The following KANSL1 variants were observed in gnomAD, a reference collection of about 807,000 sequenced individuals.
KANSL1 encodes the protein MLL1/MLL complex subunit KANSL1.
In KANSL1, 22 loss-of-function variants were observed where a neutral mutation model predicts 103.6. The ratio of observed to expected loss-of-function variants is 0.21; its 90% confidence interval spans 0.15 to 0.30. The LOEUF is 0.30. KANSL1 is among the 10% of genes least tolerant of loss of function. The pLI is 1.00. For missense variants in KANSL1, 1,337 were observed against 1,399.8 expected (o/e 0.96, Z 0.72); for synonymous variants, 600 against 527.6 (o/e 1.14, Z -1.88).
chr17:46,200,532 G>A (rs984955956), intron 1 of KANSL1, among the ~76,000 whole-genome samples: 5 of 152,236 alleles, frequency 3.3e-5, no homozygotes, highest in Admixed American at 6.5e-5. Flanking sequence ...CACGAGATCC[G>A]GAGATCGAGA....
intron 6 of KANSL1, among the ~76,000 whole-genome samples, chr17:46,058,881 A>G (rs1004307359): frequency 1.2e-4 from 18 of 151,724 alleles, no homozygotes; most frequent in Admixed American, 9.9e-4. Context: ...GCGAAAACCC[A>G]TCTCTACTAA....
intron 1 of KANSL1, among the ~76,000 whole-genome samples, chr17:46,206,817 T>C (rs2047984170): frequency 6.6e-6 from 1 of 152,152 alleles, no homozygotes; most frequent in Non-Finnish European, 1.5e-5. Flanking sequence ...CAAGTAAATT[T>C]GGCTTCATCA....
At chr17:46,166,368 C>T (rs936975327) in intron 2 of KANSL1, among the ~76,000 whole-genome samples, 52 of 151,900 alleles carry the variant, frequency 3.4e-4, no homozygotes, top group Admixed American at 3.9e-4. Context: ...AAAAATTAGC[C>T]GGGCGTGGTG....
At chr17:46,054,732 T>C (rs1434321438) in intron 6 of KANSL1, among the ~76,000 whole-genome samples, 2 of 152,202 alleles carry the variant, frequency 1.3e-5, no homozygotes, top group African/African-American at 2.4e-5. Context: ...CCTTGCTATA[T>C]TTCTCCAAGA....
rs755795005 is a variant in KANSL1 at position 46,032,185 on chromosome 17, G to C, written c.2952C>G (p.Ser984=). ...TGGGGCTCCTAGGGGACTGACCATG[G>C]GAGTATTCTGACAAAGAGTGGCTAC... ...VSSSHSLSEY[S]HGQSPRSPIS... Residue 984 remains serine (S), a synonymous_variant, in exon 14 of 15, where the codon TCC becomes TCG. Coordinates refer to ENST00000432791, the MANE Select transcript of KANSL1 (RefSeq NM_015443.4). 6 of 1,610,920 alleles carry C rather than the reference G, an allele frequency of 3.7e-6. No individual in the cohort carries two copies. Among genetic ancestry groups the C allele is most frequent in the Non-Finnish European group, 5.1e-6 (6 of 1,177,874 alleles).
At chr17:46,119,417 G>A (rs567625406) in intron 2 of KANSL1, among the ~76,000 whole-genome samples, 13 of 151,158 alleles carry the variant, frequency 8.6e-5, no homozygotes, top group South Asian at 2.1e-4. Flanking sequence ...AACTGATCTC[G>A]TACCTCAGCC....
At chr17:46,057,096 A>C (rs1025381240) in intron 6 of KANSL1, among the ~76,000 whole-genome samples, 1 of 152,214 alleles carries the variant, frequency 6.6e-6, no homozygotes, top group Non-Finnish European at 1.5e-5. Flanking sequence ...AAGACTCAGT[A>C]AAAAAGGAAA....
chr17:46,033,538 G>A (rs898679426), intron 11 of KANSL1, 78 bp from the exon 12 acceptor site: 1 of 1,196,920 alleles, frequency 8.4e-7, no homozygotes, highest in South Asian at 1.2e-5. Context: ...TCCATGCAAG[G>A]ATGAGAATCC....
intron 1 of KANSL1, among the ~76,000 whole-genome samples, chr17:46,184,714 C>T (rs1195955339): frequency 4.6e-5 from 7 of 152,206 alleles, no homozygotes; most frequent in Non-Finnish European, 1.0e-4. Flanking sequence ...CCATTACTCC[C>T]AGGTTGAGGT....
chr17:46,116,482 A>G (rs2043052674), intron 2 of KANSL1, among the ~76,000 whole-genome samples: 1 of 152,232 alleles, frequency 6.6e-6, no homozygotes, highest in Admixed American at 6.5e-5. Flanking sequence ...GTGAGCCGAG[A>G]TGGCACCAAT....
At chr17:46,050,278 C>T (rs2077666890) in intron 7 of KANSL1, 1 of 516,494 alleles carries the variant, frequency 1.9e-6, no homozygotes, top group Non-Finnish European at 3.4e-6. Flanking sequence ...TGGCTAGAGG[C>T]AACTGAGCCC....
chr17:46,080,541 A>C (rs1255859232), intron 4 of KANSL1, among the ~76,000 whole-genome samples: 1 of 152,146 alleles, frequency 6.6e-6, no homozygotes, highest in African/African-American at 2.4e-5. Context: ...GCAAAGTTAA[A>C]TACTGCCTTC....
At chr17:46,078,691 A>G (rs2078877679) in intron 4 of KANSL1, among the ~76,000 whole-genome samples, 1 of 152,250 alleles carries the variant, frequency 6.6e-6, no homozygotes, top group South Asian at 2.1e-4. Context: ...TAATTTACCT[A>G]GTAATATGCA....
chr17:46,059,645 A>AAAAAAGAGAGAG (rs2078082715), intron 6 of KANSL1, among the ~76,000 whole-genome samples: 1 of 14,764 alleles, frequency 6.8e-5, no homozygotes. Context: ...AAAAAAAAAA[A>AAAAAAGAGAGAG]AAAGAGAGAG....
intron 1 of KANSL1, among the ~76,000 whole-genome samples, chr17:46,218,130 C>A (rs1298834555): frequency 6.6e-6 from 1 of 152,246 alleles, no homozygotes; most frequent in Non-Finnish European, 1.5e-5. Context: ...GTCCCAGTTG[C>A]TTCAGAGAAA....
chr17:46,119,323 CT>C (rs142510572), intron 2 of KANSL1, among the ~76,000 whole-genome samples: 104,721 of 144,024 alleles, frequency 0.73, 38,118 homozygotes, highest in East Asian at 0.96. Flanking sequence ...TTTTCTTTTT[CT>C]TTTTTTTTTT....
chr17:46,068,658 T>TG (rs1358370779), intron 4 of KANSL1, among the ~76,000 whole-genome samples: 4 of 151,644 alleles, frequency 2.6e-5, no homozygotes, highest in African/African-American at 9.8e-5. Context: ...AATTATCTGA[T>TG]GCTATCAGAT....
chr17:46,115,315 C>T (rs1242690067), intron 2 of KANSL1, among the ~76,000 whole-genome samples: 1 of 152,192 alleles, frequency 6.6e-6, no homozygotes, highest in African/African-American at 2.4e-5. Flanking sequence ...CCATCTCAGC[C>T]TCCCATAGTA....
intron 1 of KANSL1, among the ~76,000 whole-genome samples, chr17:46,191,584 TCTATAA>T (rs377731270): frequency 4.5e-3 from 679 of 152,336 alleles, no homozygotes; most frequent in Non-Finnish European, 6.8e-3. Flanking sequence ...TCAGTAGCAA[TCTATAA>T]CTATATCATG....
Sources: allele counts gnomAD v4.1 joint callset (sites outside exome capture counted in the v4.1 genomes callset), GRCh38; gene constraint gnomAD v4.1.1; transcripts MANE v1.5; gene names NCBI Gene and HGNC (gene_info 2026-07-23, HGNC 2026-07-21).